Variants in ELMO1 observed in about 807,000 individuals in gnomAD.
The protein encoded by ELMO1 is engulfment and cell motility 1.
A neutral mutation model predicts 98.9 loss-of-function variants in ELMO1; 26 were observed. The ratio of observed to expected loss-of-function variants is 0.26; its 90% CI spans 0.19 to 0.36. The LOEUF (loss-of-function observed/expected upper bound fraction) is 0.36, where lower values mean the gene tolerates loss of function less well. Ranked by LOEUF, ELMO1 falls within the 10% of genes least tolerant of loss-of-function variation. The pLI is 1.00. For missense variants in ELMO1, 627 were observed against 935.2 expected (o/e 0.67, Z 4.30); for synonymous variants, 346 against 346.0 (o/e 1.00, Z 0.00).
At chr7:37,024,292 T>C (rs1794447160) in intron 15 of ELMO1, among the ~76,000 whole-genome samples, 1 of 152,162 alleles carries the variant, frequency 6.6e-6, no homozygotes, top group African/African-American at 2.4e-5. Flanking sequence ...CTGAAGAAAC[T>C]GGCAGGCATC....
At chr7:37,179,938 G>A (rs555766957) in intron 13 of ELMO1, among the ~76,000 whole-genome samples, 1 of 152,298 alleles carries the variant, frequency 6.6e-6, no homozygotes, top group East Asian at 1.9e-4. Context: ...TTTTCACCAT[G>A]CCATAGAAGA....
intron 13 of ELMO1, among the ~76,000 whole-genome samples, chr7:37,205,823 C>T (rs542067865): frequency 6.6e-6 from 1 of 152,082 alleles, no homozygotes; most frequent in Non-Finnish European, 1.5e-5. Context: ...TAAATTTTAG[C>T]AAAAAGGCAA....
chr7:36,909,570 T>C (rs1784203367), intron 16 of ELMO1, among the ~76,000 whole-genome samples: 1 of 152,250 alleles, frequency 6.6e-6, no homozygotes. Context: ...TTTAAATTAA[T>C]TGGTTCTTTT....
chr7:37,414,151 T>C (rs7810887), intron 1 of ELMO1, among the ~76,000 whole-genome samples: 25,521 of 152,226 alleles, frequency 0.17, 2,318 homozygotes, highest in South Asian at 0.26. Flanking sequence ...TGGAATTCAT[T>C]TGAATGATTC....
chr7:37,080,738 A>G (rs1053509680), intron 15 of ELMO1, among the ~76,000 whole-genome samples: 1 of 150,482 alleles, frequency 6.6e-6, no homozygotes, highest in African/African-American at 2.5e-5. Context: ...GGTGTGAGTC[A>G]CTGTGCCCGG....
chr7:36,871,792 T>C (rs1033917952), intron 19 of ELMO1, among the ~76,000 whole-genome samples: 1 of 152,166 alleles, frequency 6.6e-6, no homozygotes, highest in African/African-American at 2.4e-5. Context: ...ACTTGGTCCA[T>C]ATCTGTTGAC....
At chr7:36,906,530 T>C (rs984113837) in intron 16 of ELMO1, among the ~76,000 whole-genome samples, 1 of 152,234 alleles carries the variant, frequency 6.6e-6, no homozygotes, top group Non-Finnish European at 1.5e-5. Context: ...CTATATTCGC[T>C]CAGCTAACAT....
At position 36,855,851 on chromosome 7, in the gene ELMO1, G is replaced by T; in HGVS notation, c.1984-100C>A. On this transcript the variant is annotated intron_variant, in intron 21 of 21. Transcript: ENST00000310758. The surrounding 1 kb of genome is among the most constrained non-coding windows in gnomAD (Gnocchi z 4.2). ...GTGAATACTCATCCCTCAGTAGGCT[G>T]TGCGCTAAGGGCTCTGCCTACTTCG... The T allele has an allele frequency of 1.5e-6, 2 of 1,354,854 alleles. No homozygotes were observed. Among genetic ancestry groups the T allele is most frequent in the Non-Finnish European group, 2.1e-6 (2 of 962,500 alleles). The allele number at this position is 1,354,854 out of a possible 1,614,324, so 83.9% of individuals were successfully genotyped here.
chr7:37,447,876 T>C (rs1805706906), intron 1 of ELMO1, among the ~76,000 whole-genome samples: 1 of 151,298 alleles, frequency 6.6e-6, no homozygotes, highest in Non-Finnish European at 1.5e-5. Flanking sequence ...CAGTCGCCAC[T>C]CTCCGCTCCG....
chr7:37,206,928 T>C (rs905488119), intron 13 of ELMO1, among the ~76,000 whole-genome samples: 2 of 152,098 alleles, frequency 1.3e-5, no homozygotes, highest in Non-Finnish European at 2.9e-5. Flanking sequence ...TAATATCTGC[T>C]TTGATTCAGA....
intron 2 of ELMO1, among the ~76,000 whole-genome samples, chr7:37,325,261 C>T (rs576537226): frequency 6.6e-6 from 1 of 152,364 alleles, no homozygotes; most frequent in East Asian, 1.9e-4. Context: ...TGTTTTGCCA[C>T]CTGTATGGCA....
chr7:37,029,438 A>T (rs915804921), intron 15 of ELMO1, among the ~76,000 whole-genome samples: 11 of 152,038 alleles, frequency 7.2e-5, no homozygotes, highest in African/African-American at 2.7e-4. Context: ...GATTATGAAG[A>T]TTATGTAAGT....
At chr7:36,894,433 A>C (rs1270705143) in intron 17 of ELMO1, among the ~76,000 whole-genome samples, 3 of 152,172 alleles carry the variant, frequency 2.0e-5, no homozygotes, top group Non-Finnish European at 4.4e-5. Context: ...ATTTAGATTC[A>C]TGCTACTTTC....
At chr7:37,088,480 T>C (rs1490329433) in intron 15 of ELMO1, among the ~76,000 whole-genome samples, 2 of 152,242 alleles carry the variant, frequency 1.3e-5, no homozygotes, top group Non-Finnish European at 2.9e-5. Flanking sequence ...CTTCCACAAA[T>C]AGTGCATTTT....
intron 2 of ELMO1, among the ~76,000 whole-genome samples, chr7:37,337,786 G>A (rs891176812): frequency 7.2e-5 from 11 of 152,170 alleles, no homozygotes; most frequent in African/African-American, 2.7e-4. Context: ...GGGCAGGGCA[G>A]AGACAAGAAA....
intron 2 of ELMO1, among the ~76,000 whole-genome samples, chr7:37,337,390 G>T (rs112733456): frequency 1.8e-4 from 27 of 152,204 alleles, no homozygotes; most frequent in African/African-American, 5.5e-4. Flanking sequence ...GTAAGGGAAG[G>T]GGGGAGGGAT....
At chr7:37,131,314 C>T (rs1403090002) in intron 14 of ELMO1, among the ~76,000 whole-genome samples, 1 of 152,188 alleles carries the variant, frequency 6.6e-6, no homozygotes, top group Non-Finnish European at 1.5e-5. Context: ...AAAAGCCACA[C>T]TTCTCTTTAC....
chr7:37,316,324 T>C (rs1197191998), intron 2 of ELMO1, among the ~76,000 whole-genome samples: 1 of 151,942 alleles, frequency 6.6e-6, no homozygotes, highest in African/African-American at 2.4e-5. Context: ...CCCTCAGGAG[T>C]AGTACATGAA....
At chr7:36,884,539 A>G (rs573552950) in intron 18 of ELMO1, among the ~76,000 whole-genome samples, 2 of 152,198 alleles carry the variant, frequency 1.3e-5, no homozygotes, top group Non-Finnish European at 2.9e-5. Context: ...CTACCCAGCT[A>G]GTGAGTAGGA....
Sources: gnomAD v4.1 joint callset for allele counts (sites outside exome capture counted in the v4.1 genomes callset) on GRCh38, gnomAD v4.1.1 for gene constraint, Gnocchi (gnomAD v3.1) non-coding constraint, MANE v1.5 for transcripts, NCBI Gene and HGNC (gene_info 2026-07-23, HGNC 2026-07-21) for gene names.